UTRN: variants seen among roughly 807,000 people sequenced by gnomAD.
UTRN encodes dystrophin-related protein 1.
In UTRN, 283 loss-of-function variants were observed where a neutral mutation model predicts 463.9. The ratio of observed to expected loss-of-function variants is 0.61; its 90% CI spans 0.55 to 0.67. The LOEUF is 0.67. Ranked by LOEUF, UTRN falls within the 30% of genes least tolerant of loss-of-function variation. The probability of loss-of-function intolerance (pLI) is 0.00; values close to 1 mark genes in which losing one functional copy is unlikely to be tolerated. For synonymous variants in UTRN, 1,442 were observed against 1,431.5 expected (o/e 1.01, Z -0.17); for missense variants, 3,922 against 4,084.3 (o/e 0.96, Z 1.08).
At position 144,780,947 on chromosome 6, in the gene UTRN, TCCAGGGAG is replaced by T. The variant is rs1445427998; in HGVS notation, c.8633-972_8633-965del. 3.9e-5 allele frequency among the ~76,000 whole-genome samples: 6 copies of T among 152,352 alleles called. No individual in the cohort carries two copies. In the East Asian group the frequency reaches 1.2e-3, roughly 29 times the overall value. On this transcript the variant is annotated intron_variant, in intron 60 of 74. Coordinates refer to ENST00000367545, the MANE Select transcript of UTRN (RefSeq NM_007124.3). ...CAAAGCCCATTTCAAATCGCACCTC[TCCAGGGAG>T]CCTTTTCCAGTTGTCTTTCCTCTCC...
At chr6:144,791,728 A>C (rs1207531341) in intron 62 of UTRN, among the ~76,000 whole-genome samples, 2 of 152,152 alleles carry the variant, frequency 1.3e-5, no homozygotes, top group African/African-American at 4.8e-5. Flanking sequence ...TATAATGTTG[A>C]GAATGTGAAC....
At chr6:144,545,123 CA>C (rs1352173968) in intron 46 of UTRN, among the ~76,000 whole-genome samples, 1 of 152,174 alleles carries the variant, frequency 6.6e-6, no homozygotes, top group African/African-American at 2.4e-5. Context: ...AATTAATATT[CA>C]ATCCATCAGC....
intron 51 of UTRN, among the ~76,000 whole-genome samples, chr6:144,607,605 G>A (rs2128640198): frequency 6.6e-6 from 1 of 152,288 alleles, no homozygotes; most frequent in East Asian, 1.9e-4. Context: ...TGGGCACTTT[G>A]AAACTTTGAT....
At chr6:144,536,515 T>A (rs1797548346) in intron 43 of UTRN, among the ~76,000 whole-genome samples, 1 of 152,112 alleles carries the variant, frequency 6.6e-6, no homozygotes, top group Admixed American at 6.5e-5. Context: ...TTTGTAGTGA[T>A]TTTCATTTTT....
chr6:144,359,292 A>G (rs1778833153), intron 2 of UTRN, among the ~76,000 whole-genome samples: 1 of 152,252 alleles, frequency 6.6e-6, no homozygotes, highest in South Asian at 2.1e-4. Flanking sequence ...GTCTCCAGAC[A>G]TTGCCAGGTG....
At chr6:144,835,117 C>T (rs17074289) in intron 69 of UTRN, among the ~76,000 whole-genome samples, 5,732 of 152,302 alleles carry the variant, frequency 0.038, 162 homozygotes, top group South Asian at 0.062. Flanking sequence ...ATGTCAGTTA[C>T]TAATTCAACC....
chr6:144,424,196 T>A, intron 6 of UTRN, 118 bp downstream of exon 6: 1 of 1,102,140 alleles, frequency 9.1e-7, no homozygotes, highest in Non-Finnish European at 1.3e-6. Flanking sequence ...AACAGAAATT[T>A]GTTGTCTCCC....
chr6:144,694,042 T>G lies in UTRN; in HGVS notation c.7653-6045T>G, dbSNP rs568576661. 3.3e-5 allele frequency among the ~76,000 whole-genome samples: 5 copies of G among 152,246 alleles called. No individual in the cohort carries two copies. The East Asian group carries it at 9.7e-4, about 30-fold the overall frequency. ...GGCTGTGGGGTGTTGTAGATGGTTC[T>G]TAGTATTTAGAGGTATGTTCCTTCA... On this transcript the variant is annotated intron_variant, in intron 52 of 74. Coordinates refer to ENST00000367545, the MANE Select transcript of UTRN (RefSeq NM_007124.3).
intron 66 of UTRN, among the ~76,000 whole-genome samples, chr6:144,826,194 G>A (rs933462192): frequency 7.6e-6 from 1 of 131,712 alleles, no homozygotes; most frequent in Non-Finnish European, 1.6e-5. Flanking sequence ...ATAAATGCCT[G>A]GTTCTGAAAA....
intron 51 of UTRN, among the ~76,000 whole-genome samples, chr6:144,662,155 G>A (rs536583318): frequency 1.3e-4 from 20 of 152,194 alleles, no homozygotes; most frequent in East Asian, 7.7e-4. Context: ...CTCTTTGGCC[G>A]TATTTTACTT....
chr6:144,402,288 A>G (rs1782999698), intron 2 of UTRN, among the ~76,000 whole-genome samples: 1 of 152,190 alleles, frequency 6.6e-6, no homozygotes, highest in African/African-American at 2.4e-5. Flanking sequence ...ACAGATGAGA[A>G]CTGTGAGGAA....
chr6:144,420,523 TGG>T (rs1175745573), intron 3 of UTRN, among the ~76,000 whole-genome samples: 1 of 152,032 alleles, frequency 6.6e-6, no homozygotes, highest in Non-Finnish European at 1.5e-5. Flanking sequence ...GTGAATGGAG[TGG>T]GATTTTCTGG....
At chr6:144,738,762 T>C (rs1789721916) in intron 54 of UTRN, among the ~76,000 whole-genome samples, 1 of 152,238 alleles carries the variant, frequency 6.6e-6, no homozygotes, top group African/African-American at 2.4e-5. Flanking sequence ...TCAGGAATCA[T>C]CTTTAAAAAT....
At chr6:144,616,634 C>G (rs1329722332) in intron 51 of UTRN, among the ~76,000 whole-genome samples, 1 of 151,578 alleles carries the variant, frequency 6.6e-6, no homozygotes, top group African/African-American at 2.4e-5. Flanking sequence ...TCTTTGGTAG[C>G]CTTTTACTTT....
Position 144,669,586 on chromosome 6 carries a change from G to A in UTRN, c.7480-8820G>A, listed in dbSNP as rs1489519087. ...GTTAGATAATTTTAACATTTTTATGGCTTTTTAAAATTGCAGTAGTTTTGG... is the reference window on the plus strand; with the variant it reads ...GTTAGATAATTTTAACATTTTTATGACTTTTTAAAATTGCAGTAGTTTTGG... On this transcript the variant is annotated intron_variant, in intron 51 of 74. Coordinates refer to ENST00000367545, the MANE Select transcript of UTRN (RefSeq NM_007124.3). Among the ~76,000 whole-genome samples the A allele has an allele frequency of 1.3e-5, 2 of 151,730 alleles. 1 individual carries two copies.
chr6:144,432,678 C>CT (rs368744975), intron 9 of UTRN, among the ~76,000 whole-genome samples: 2,792 of 140,294 alleles, frequency 0.02, 20 homozygotes, highest in Non-Finnish European at 0.029. Flanking sequence ...TGAGATAAGT[C>CT]TTTTTTTTTT....
intron 24 of UTRN, 53 bp downstream of exon 24, chr6:144,473,886 C>A: frequency 7.6e-7 from 1 of 1,313,316 alleles, no homozygotes; most frequent in Non-Finnish European, 1.1e-6. Flanking sequence ...TGTTCTTTTT[C>A]TATGTTATTT....
At chr6:144,808,681 C>G (rs372516882) in intron 65 of UTRN, among the ~76,000 whole-genome samples, 2 of 152,062 alleles carry the variant, frequency 1.3e-5, no homozygotes, top group Non-Finnish European at 2.9e-5. Flanking sequence ...CCTCCACCCC[C>G]CAGCCCCTGG....
At chr6:144,410,743 A>G (rs1783817272) in intron 3 of UTRN, among the ~76,000 whole-genome samples, 1 of 152,126 alleles carries the variant, frequency 6.6e-6, no homozygotes, top group Non-Finnish European at 1.5e-5. Flanking sequence ...GTTGCTGCAG[A>G]TACCATTATT....
Sources: allele counts gnomAD v4.1 joint callset (sites outside exome capture counted in the v4.1 genomes callset), GRCh38; gene constraint gnomAD v4.1.1; transcripts MANE v1.5; gene names NCBI Gene and HGNC (gene_info 2026-07-23, HGNC 2026-07-21).